The following HUNK variants were observed in gnomAD, a reference collection of about 807,000 sequenced individuals.
HUNK encodes the protein hormonally up-regulated Neu-associated kinase, also known as hormonally up-regulated neu tumor-associated kinase.
Under a neutral mutation model 61.0 loss-of-function variants are expected in HUNK, and 21 were observed. The observed-to-expected ratio is 0.34, with a 90% CI of 0.24 to 0.50. The LOEUF is 0.50. Ranked by LOEUF, HUNK falls within the 20% of genes least tolerant of loss-of-function variation. HUNK has a pLI of 0.98. For synonymous variants in HUNK, 371 were observed against 386.1 expected (o/e 0.96, Z 0.46); for missense variants, 772 against 945.7 (o/e 0.82, Z 2.41).
intron 5 of HUNK, among the ~76,000 whole-genome samples, chr21:31,966,626 C>A (rs1355832171): frequency 6.6e-6 from 1 of 152,088 alleles, no homozygotes; most frequent in Non-Finnish European, 1.5e-5. Flanking sequence ...CTCATTTTTA[C>A]CCTGCAGAAA....
At chr21:31,936,813 T>C (rs1192580076) in intron 2 of HUNK, among the ~76,000 whole-genome samples, 2 of 152,212 alleles carry the variant, frequency 1.3e-5, no homozygotes, top group Non-Finnish European at 2.9e-5. Context: ...CTCTAGGCTT[T>C]TGTGGCCCCA....
chr21:31,909,562 C>T (rs1345670701), intron 1 of HUNK, among the ~76,000 whole-genome samples: 1 of 152,092 alleles, frequency 6.6e-6, no homozygotes, highest in East Asian at 1.9e-4. Context: ...CTTTTTCCCT[C>T]AACAAAAAGG....
Position 32,000,658 on chromosome 21 carries a change from A to G in HUNK, c.*1474A>G, listed in dbSNP as rs2053239888. 3 of 399,026 alleles carry G rather than the reference A, an allele frequency of 7.5e-6. No individual in the cohort carries two copies. The highest frequency in any genetic ancestry group is 1.3e-5 in the Non-Finnish European group (3 of 226,116). 24.7% of individuals were successfully genotyped at this position (399,026 alleles called of 1,614,324 possible). On this transcript the variant is annotated 3_prime_UTR_variant, in exon 11 of 11. Coordinates refer to ENST00000270112, the MANE Select transcript of HUNK (RefSeq NM_014586.2). ...TGTGGCCACCTCAGATAGTCATCTCAGTCCAAGGATCCCAAAACACAAATC... is the reference window on the plus strand; with the variant it reads ...TGTGGCCACCTCAGATAGTCATCTCGGTCCAAGGATCCCAAAACACAAATC...
Position 32,000,678 on chromosome 21 carries a change from C to A in HUNK, c.*1494C>A, listed in dbSNP as rs2053240059. The A allele has an allele frequency of 2.5e-6, 1 of 398,904 alleles. No homozygotes were observed. 24.7% of individuals were successfully genotyped at this position (398,904 alleles called of 1,614,324 possible). A position where few individuals can be genotyped will look rare whatever the true frequency, so the allele number is the denominator to read the frequency against. On this transcript the variant is annotated 3_prime_UTR_variant, in exon 11 of 11. Transcript: ENST00000270112. ...ATCTCAGTCCAAGGATCCCAAAACA[C>A]AAATCTAGAATTGCAAAGCCAGCCT...
intron 5 of HUNK, among the ~76,000 whole-genome samples, chr21:31,961,310 G>A (rs910851106): frequency 5.9e-5 from 9 of 152,106 alleles, no homozygotes; most frequent in Non-Finnish European, 1.2e-4. Context: ...CTGAAGGACC[G>A]TTGAGTTGTT....
At chr21:31,886,204 C>T (rs962989963) in intron 1 of HUNK, among the ~76,000 whole-genome samples, 1 of 152,006 alleles carries the variant, frequency 6.6e-6, no homozygotes, top group African/African-American at 2.4e-5. Flanking sequence ...GGCAGATCAC[C>T]TGAGGTCAGG....
chr21:31,933,301 A>G (rs2052710963), intron 2 of HUNK, among the ~76,000 whole-genome samples: 1 of 152,138 alleles, frequency 6.6e-6, no homozygotes, highest in African/African-American at 2.4e-5. Context: ...AGAAAAAGCA[A>G]CTTCCCATCT....
At chr21:31,968,735 TG>T (rs2052986623) in intron 6 of HUNK, among the ~76,000 whole-genome samples, 1 of 145,290 alleles carries the variant, frequency 6.9e-6, no homozygotes, top group Admixed American at 6.7e-5. Context: ...TGTGTGTGTG[TG>T]TGTGTGTGTG....
chr21:31,996,883 T>C (rs2053209638), intron 10 of HUNK, among the ~76,000 whole-genome samples: 1 of 152,220 alleles, frequency 6.6e-6, no homozygotes, highest in Non-Finnish European at 1.5e-5. Flanking sequence ...GCAACCTGCT[T>C]TCCCTGGGGC....
chr21:31,877,542 C>G (rs1227500076), intron 1 of HUNK, among the ~76,000 whole-genome samples: 1 of 151,956 alleles, frequency 6.6e-6, no homozygotes, highest in Admixed American at 6.6e-5. Context: ...ATTGTGTCCT[C>G]CTTTGAGTTA....
rs145672813 is a variant in HUNK, at chr21:31,992,373, G to A, written c.1305+2197G>A. 6.4e-3 allele frequency among the ~76,000 whole-genome samples: 980 copies of A among 152,326 alleles called. 8 individuals are homozygous for A. Among genetic ancestry groups the A allele is most frequent in the African/African-American group, 0.021 (854 of 41,566 alleles). ...GGTAAATGATTGTTCATGGGGCTGC[G>A]TTTTCAAAATGTCCCACTTTGCAAA... On this transcript the variant is annotated intron_variant, in intron 9 of 10. Transcript: ENST00000270112.
chr21:31,882,379 G>A (rs1192770469), intron 1 of HUNK, among the ~76,000 whole-genome samples: 1 of 152,176 alleles, frequency 6.6e-6, no homozygotes, highest in Non-Finnish European at 1.5e-5. Context: ...GGTTTGCAGT[G>A]AGAGGTAACT....
At chr21:31,972,038 C>T (rs2053015334) in intron 6 of HUNK, among the ~76,000 whole-genome samples, 1 of 152,028 alleles carries the variant, frequency 6.6e-6, no homozygotes, top group Admixed American at 6.6e-5. Context: ...TTCTGTGTTG[C>T]CCAGGCTGGT....
chr21:31,948,237 C>T (rs999701808), intron 4 of HUNK, among the ~76,000 whole-genome samples: 1 of 152,194 alleles, frequency 6.6e-6, no homozygotes, highest in Non-Finnish European at 1.5e-5. Flanking sequence ...AAGGCATGCC[C>T]GCTCCCCTCC....
intron 1 of HUNK, among the ~76,000 whole-genome samples, chr21:31,894,382 A>G (rs932453746): frequency 2.6e-5 from 4 of 152,184 alleles, no homozygotes; most frequent in Admixed American, 6.5e-5. Flanking sequence ...TCTGCATCTC[A>G]AGCCATTTGC....
chr21:31,931,836 C>G (rs2052698698), intron 2 of HUNK, among the ~76,000 whole-genome samples: 1 of 152,140 alleles, frequency 6.6e-6, no homozygotes, highest in Non-Finnish European at 1.5e-5. Flanking sequence ...TGGGCATGGT[C>G]TGTGGAGGCC....
Position 31,924,372 on chromosome 21 carries a change from A to G in HUNK, c.262-96A>G. On this transcript the variant is annotated intron_variant, in intron 1 of 10. Coordinates refer to ENST00000270112, the MANE Select transcript of HUNK (RefSeq NM_014586.2). The surrounding 1 kb of genome is among the most constrained non-coding windows in gnomAD (Gnocchi z 5.1). ...GGTAAGGTGTTTCTCCTCTGCAGAG[A>G]CATAGCTAGCATTTTTCTTGGGTTC... 9.2e-7 allele frequency: 1 copy of G among 1,082,366 alleles called. No homozygotes were observed. Among genetic ancestry groups the G allele is most frequent in the South Asian group, 1.6e-5 (1 of 62,852 alleles). The allele number at this position is 1,082,366 out of a possible 1,614,324, so 67.0% of individuals were successfully genotyped here. A position where few individuals can be genotyped will look rare whatever the true frequency, so the allele number is the denominator to read the frequency against.
chr21:31,947,460 G>A (rs2052816909), intron 4 of HUNK, among the ~76,000 whole-genome samples: 1 of 152,184 alleles, frequency 6.6e-6, no homozygotes, highest in African/African-American at 2.4e-5. Flanking sequence ...GGAGTCCCCC[G>A]TACTCTGTCC....
intron 1 of HUNK, among the ~76,000 whole-genome samples, chr21:31,896,215 C>T (rs184435495): frequency 6.6e-6 from 1 of 152,314 alleles, no homozygotes; most frequent in East Asian, 1.9e-4. Flanking sequence ...AGTCTATAAT[C>T]CTTTGTTTTG....
Sources: gnomAD v4.1 joint callset for allele counts (sites outside exome capture counted in the v4.1 genomes callset) on GRCh38, gnomAD v4.1.1 for gene constraint, Gnocchi (gnomAD v3.1) non-coding constraint, MANE v1.5 for transcripts, NCBI Gene and HGNC (gene_info 2026-07-23, HGNC 2026-07-21) for gene names.